Variants in CHIC2 observed in about 807,000 individuals in gnomAD.
The protein encoded by CHIC2 is cysteine-rich hydrophobic domain-containing protein 2.
A neutral mutation model predicts 25.9 loss-of-function variants in CHIC2; 14 were observed. That is an observed-to-expected ratio of 0.54 (90% CI 0.36 to 0.85). CHIC2 has a LOEUF of 0.85. CHIC2 is among the 40% of genes least tolerant of loss of function. The pLI is 0.01. For missense variants in CHIC2, 146 were observed against 202.0 expected (o/e 0.72, Z 1.68); for synonymous variants, 70 against 72.0 (o/e 0.97, Z 0.14).
At chr4:54,040,556 C>A (rs1716538741) in intron 3 of CHIC2, among the ~76,000 whole-genome samples, 1 of 151,932 alleles carries the variant, frequency 6.6e-6, no homozygotes, top group Non-Finnish European at 1.5e-5. Context: ...CAAAAATTAG[C>A]TGGGCATAGT....
At chr4:54,089,884 C>T in the CHIC2 span, among the ~76,000 whole-genome samples, 1 of 152,082 alleles carries the variant, frequency 6.6e-6, no homozygotes, top group Non-Finnish European at 1.5e-5. Context: ...TTATTGAGCA[C>T]CAACATGACA....
the CHIC2 span, chr4:54,086,952 A>G: frequency 5.8e-5 from 41 of 707,792 alleles, no homozygotes; most frequent in East Asian, 4.3e-4. Flanking sequence ...CGGGTTCTCA[A>G]TCTCATGGAC....
chr4:54,086,063 A>G, the CHIC2 span, among the ~76,000 whole-genome samples: 1 of 151,998 alleles, frequency 6.6e-6, no homozygotes, highest in East Asian at 1.9e-4. Context: ...AATGGTGAGG[A>G]AGCATCCACC....
At chr4:54,080,474 C>T in the CHIC2 span, among the ~76,000 whole-genome samples, 1 of 151,682 alleles carries the variant, frequency 6.6e-6, no homozygotes, top group Non-Finnish European at 1.5e-5. Flanking sequence ...TTAAAGAGCA[C>T]TGGGGTCTCG....
intron 1 of CHIC2, among the ~76,000 whole-genome samples, chr4:54,052,836 G>C (rs1717042317): frequency 6.6e-6 from 1 of 152,080 alleles, no homozygotes; most frequent in African/African-American, 2.4e-5. Flanking sequence ...TTGTCATACT[G>C]TTTTCTCTTT....
the CHIC2 span, among the ~76,000 whole-genome samples, chr4:54,075,609 A>C: frequency 6.6e-6 from 1 of 152,226 alleles, no homozygotes; most frequent in Non-Finnish European, 1.5e-5. Context: ...ACTGGAATGC[A>C]GTGGCTCCAT....
At chr4:54,024,962 C>A (rs1443083037) in intron 3 of CHIC2, among the ~76,000 whole-genome samples, 1 of 152,178 alleles carries the variant, frequency 6.6e-6, no homozygotes, top group African/African-American at 2.4e-5. Flanking sequence ...CTCTCCCACT[C>A]TAGGTTCCCA....
the CHIC2 span, among the ~76,000 whole-genome samples, chr4:54,081,031 C>A: frequency 7.0e-6 from 1 of 142,800 alleles, no homozygotes; most frequent in Admixed American, 7.2e-5. Flanking sequence ...TTTTATTTGT[C>A]AATTAAATAT....
Position 54,064,354 on chromosome 4 carries a change from G to A in CHIC2, c.-54C>T. On this transcript the variant is annotated 5_prime_UTR_variant, in exon 1 of 6. Transcript: ENST00000263921. The surrounding 1 kb of genome is among the most constrained non-coding windows in gnomAD (Gnocchi z 4.2). ...GGGCCTGACTCCCGGGGTTGGCGCC[G>A]GGGTACCGGCGGGCGAGGCGGCGGA... is the stretch of plus-strand genomic sequence containing the variant. 6.2e-7 allele frequency: 1 copy of A among 1,606,594 alleles called. No individual in the cohort carries two copies. The highest frequency in any genetic ancestry group is 8.5e-7 in the Non-Finnish European group (1 of 1,176,578).
At chr4:54,014,747 C>T (rs1338132636) in intron 3 of CHIC2, among the ~76,000 whole-genome samples, 1 of 152,098 alleles carries the variant, frequency 6.6e-6, no homozygotes, top group Non-Finnish European at 1.5e-5. Flanking sequence ...CAGGAATCAA[C>T]TGAGAATTTA....
upstream of CHIC2, among the ~76,000 whole-genome samples, chr4:54,065,847 T>A (rs991640470): frequency 2.0e-5 from 3 of 152,144 alleles, no homozygotes; most frequent in African/African-American, 7.2e-5. Flanking sequence ...GATGCCAACC[T>A]CCTTTTGGAA....
upstream of CHIC2, among the ~76,000 whole-genome samples, chr4:54,066,444 T>G (rs1192602372): frequency 4.6e-5 from 7 of 152,324 alleles, no homozygotes; most frequent in African/African-American, 1.7e-4. Context: ...TCATTTAATA[T>G]TCCCCCAAGA....
At chr4:54,047,330 C>G (rs1455947159) in intron 3 of CHIC2, among the ~76,000 whole-genome samples, 3 of 152,096 alleles carry the variant, frequency 2.0e-5, no homozygotes, top group Non-Finnish European at 4.4e-5. Context: ...AATCATGCTG[C>G]TATAAAGACA....
chr4:54,019,425 G>A (rs1396783472), intron 3 of CHIC2, among the ~76,000 whole-genome samples: 4 of 151,878 alleles, frequency 2.6e-5, no homozygotes, highest in African/African-American at 7.3e-5. Flanking sequence ...ATAGAAATAC[G>A]CTAAAAAAAA....
At chr4:54,010,187 A>T (rs919087001) in intron 5 of CHIC2, 42 bp from the exon 6 acceptor site, 1 of 1,446,268 alleles carries the variant, frequency 6.9e-7, no homozygotes, top group African/African-American at 1.4e-5. Context: ...ATTTAAACAA[A>T]ATTTTTTCTT....
chr4:54,060,880 C>T (rs1032433948), intron 1 of CHIC2: 1 of 152,058 alleles, frequency 6.6e-6, no homozygotes, highest in Admixed American at 6.5e-5. Flanking sequence ...TGACTGTAAG[C>T]CTTTTAGGTT....
At chr4:54,035,064 T>C (rs969301189) in intron 3 of CHIC2, among the ~76,000 whole-genome samples, 1 of 152,246 alleles carries the variant, frequency 6.6e-6, no homozygotes, top group Non-Finnish European at 1.5e-5. Context: ...AAACCAACCT[T>C]ACTTACCTTC....
At chr4:54,065,176 C>G (rs996102629), upstream of CHIC2, 1 of 366,138 alleles carries the variant, frequency 2.7e-6, no homozygotes, top group Non-Finnish European at 3.8e-6. Flanking sequence ...TCTCCAAATT[C>G]AAACATCTTA....
chr4:54,055,853 G>C (rs1717160031), intron 1 of CHIC2, among the ~76,000 whole-genome samples: 1 of 152,150 alleles, frequency 6.6e-6, no homozygotes, highest in African/African-American at 2.4e-5. Flanking sequence ...AGCTCAAGGA[G>C]GATGGGATCT....
Sources: allele counts gnomAD v4.1 joint callset (sites outside exome capture counted in the v4.1 genomes callset), GRCh38; gene constraint gnomAD v4.1.1; non-coding constraint Gnocchi (gnomAD v3.1); transcripts MANE v1.5; gene names NCBI Gene and HGNC (gene_info 2026-07-23, HGNC 2026-07-21).